The following TSPAN7 variants were observed in gnomAD, a reference collection of about 807,000 sequenced individuals.
TSPAN7 encodes tetraspanin 7.
In TSPAN7, 1 loss-of-function variant was observed where a neutral mutation model predicts 17.6. The observed-to-expected ratio is 0.06, with a 90% confidence interval of 0.02 to 0.27. The LOEUF (loss-of-function observed/expected upper bound fraction) is 0.27. Among genes scored for constraint, TSPAN7 ranks in the 10% least tolerant of loss-of-function variants. The pLI is 1.00. For missense variants in TSPAN7, 112 were observed against 201.7 expected (o/e 0.56, Z 2.69); for synonymous variants, 78 against 79.0 (o/e 0.99, Z 0.07).
At chrX:38,663,042 C>T (rs1023860377) in intron 1 of TSPAN7, among the ~76,000 whole-genome samples, 1 of 110,279 alleles carries the variant, frequency 9.1e-6, no homozygotes, top group Admixed American at 9.7e-5. Flanking sequence ...TCTGAGAAGT[C>T]ATTATACAAA....
intron 2 of TSPAN7, among the ~76,000 whole-genome samples, chrX:38,671,115 C>T (rs976480107): frequency 8.0e-5 from 9 of 112,007 alleles, no homozygotes; most frequent in Non-Finnish European, 1.3e-4. Flanking sequence ...GTGAGCCAAG[C>T]TGATAGGCAC....
intron 1 of TSPAN7, among the ~76,000 whole-genome samples, chrX:38,621,611 C>T (rs2069488918): frequency 8.9e-6 from 1 of 112,236 alleles, no homozygotes; most frequent in Non-Finnish European, 1.9e-5. Flanking sequence ...TGAACACAAA[C>T]TGGTAACGGT....
chrX:38,645,467 A>T (rs2069638879), intron 1 of TSPAN7, among the ~76,000 whole-genome samples: 1 of 111,975 alleles, frequency 8.9e-6, no homozygotes, highest in African/African-American at 3.3e-5. Flanking sequence ...AGATGGGAAG[A>T]TGGCGAGCTC....
chrX:38,617,957 C>G (rs2069465124), intron 1 of TSPAN7, among the ~76,000 whole-genome samples: 1 of 111,662 alleles, frequency 9.0e-6, no homozygotes, highest in Non-Finnish European at 1.9e-5. Context: ...ATGATGGAGA[C>G]TTAAGCGATA....
chrX:38,615,690 G>A (rs1291711948), intron 1 of TSPAN7, among the ~76,000 whole-genome samples: 1 of 112,098 alleles, frequency 8.9e-6, no homozygotes, highest in East Asian at 2.8e-4. Context: ...TATTTGAGAG[G>A]AATAAAATGC....
intron 1 of TSPAN7, among the ~76,000 whole-genome samples, chrX:38,611,134 G>A (rs2069415936): frequency 8.9e-6 from 1 of 112,304 alleles, no homozygotes; most frequent in African/African-American, 3.2e-5. Flanking sequence ...GACTACACAC[G>A]TAAGGAAAAT....
At chrX:38,651,050 CATATAT>C (rs34201318) in intron 1 of TSPAN7, among the ~76,000 whole-genome samples, 7 of 98,104 alleles carry the variant, frequency 7.1e-5, no homozygotes, top group Admixed American at 4.5e-4. Flanking sequence ...AATGTGATTA[CATATAT>C]ATATATATAT....
intron 5 of TSPAN7, among the ~76,000 whole-genome samples, chrX:38,680,238 G>A (rs1228067299): frequency 9.0e-6 from 1 of 110,644 alleles, no homozygotes; most frequent in Non-Finnish European, 1.9e-5. Flanking sequence ...ACACAGCATT[G>A]CCAGAATATT....
At chrX:38,578,152 T>A (rs2069207194) in intron 1 of TSPAN7, among the ~76,000 whole-genome samples, 1 of 111,000 alleles carries the variant, frequency 9.0e-6, no homozygotes, top group South Asian at 3.9e-4. Flanking sequence ...GGGGTTGGGG[T>A]GGAGATACAA....
intron 1 of TSPAN7, chrX:38,656,080 T>C (rs759981171): frequency 1.2e-4 from 38 of 312,293 alleles, no homozygotes; most frequent in African/African-American, 1.0e-3. Flanking sequence ...AGATTCATTC[T>C]GTATTTATTG....
intron 1 of TSPAN7, among the ~76,000 whole-genome samples, chrX:38,642,771 A>G (rs1488581235): frequency 8.9e-6 from 1 of 111,901 alleles, no homozygotes; most frequent in Admixed American, 9.5e-5. Context: ...TTTCCTGATC[A>G]TGTAATCTTG....
At chrX:38,653,687 A>G (rs2069687841) in intron 1 of TSPAN7, among the ~76,000 whole-genome samples, 1 of 112,729 alleles carries the variant, frequency 8.9e-6, no homozygotes, top group Non-Finnish European at 1.9e-5. Flanking sequence ...TTAAAGTATC[A>G]AACTATAGCT....
intron 1 of TSPAN7, among the ~76,000 whole-genome samples, chrX:38,660,704 C>T (rs2069738522): frequency 8.9e-6 from 1 of 112,082 alleles, no homozygotes; most frequent in South Asian, 3.7e-4. Flanking sequence ...AAGACTTCTG[C>T]CTACGATCTC....
Position 38,671,533 on chromosome X carries a change from G to A in TSPAN7, c.345+83G>A. On this transcript the variant is annotated intron_variant, in intron 3 of 7. Coordinates refer to ENST00000378482, the MANE Select transcript of TSPAN7 (RefSeq NM_004615.4). Reference sequence around the variant, plus strand: ...AAACCTCTTGAAATGTGTAAAGGGTGCATATAGGCTAGCTGTTTTCCTCAG... The same window carrying A: ...AAACCTCTTGAAATGTGTAAAGGGTACATATAGGCTAGCTGTTTTCCTCAG... 1.8e-5 allele frequency: 17 copies of A among 922,262 alleles called. No individual in the cohort carries two copies. The South Asian group carries it at 3.0e-4, about 16-fold the overall frequency. The allele number at this position is 922,262 out of a possible 1,213,427, so 76.0% of individuals were successfully genotyped here.
At chrX:38,586,614 A>G (rs1398501450) in intron 1 of TSPAN7, among the ~76,000 whole-genome samples, 2 of 112,172 alleles carry the variant, frequency 1.8e-5, no homozygotes, top group African/African-American at 6.5e-5. Context: ...AAAATCATTT[A>G]TTGAAAGTCT....
chrX:38,625,989 G>T (rs750815661), intron 1 of TSPAN7, among the ~76,000 whole-genome samples: 28 of 112,327 alleles, frequency 2.5e-4, no homozygotes, highest in Non-Finnish European at 4.3e-4. Context: ...GGAATCTGTT[G>T]AGGATGGGAA....
At chrX:38,566,428 T>C in intron 1 of TSPAN7, 1 of 664,739 alleles carries the variant, frequency 1.5e-6, no homozygotes, top group Non-Finnish European at 2.0e-6. Flanking sequence ...TAAATACTTA[T>C]TTCCTTAATG....
chrX:38,561,660 G>A, intron 1 of TSPAN7, 33 bp downstream of exon 1: 2 of 1,122,671 alleles, frequency 1.8e-6, no homozygotes, highest in East Asian at 3.1e-5. Context: ...TGGCCGAGTC[G>A]CTGTCCATCG....
In TSPAN7 at chrX:38,648,983, C is replaced by T. The variant is rs145012803; in HGVS notation, c.82-17138C>T. Among the ~76,000 whole-genome samples the T allele has an allele frequency of 5.8e-4, 64 of 110,170 alleles. No homozygotes were observed. The East Asian group carries it at 0.018, about 31-fold the overall frequency. ...GTTATTCCTGTTAGGTAAGGAGGGT[C>T]CCTGGTGTAATCCCAAATGTGCTTG... On this transcript the variant is annotated intron_variant, in intron 1 of 7. Coordinates refer to ENST00000378482, the MANE Select transcript of TSPAN7 (RefSeq NM_004615.4).
Sources: allele counts gnomAD v4.1 joint callset (sites outside exome capture counted in the v4.1 genomes callset), GRCh38; gene constraint gnomAD v4.1.1; transcripts MANE v1.5; gene names NCBI Gene and HGNC (gene_info 2026-07-23, HGNC 2026-07-21).